Variants in MAP4K4 observed in about 807,000 individuals in gnomAD.
MAP4K4 encodes the protein HPK/GCK-like kinase HGK.
MAP4K4 carries 38 observed loss-of-function variants against 189.6 expected under a neutral mutation model. That is an observed-to-expected ratio of 0.20 (90% confidence interval 0.15 to 0.26). MAP4K4 has a LOEUF of 0.26. Ranked by LOEUF, MAP4K4 falls within the 10% of genes least tolerant of loss-of-function variation. The pLI is 1.00. For synonymous variants in MAP4K4, 610 were observed against 624.3 expected (o/e 0.98, Z 0.34); for missense variants, 1,054 against 1,726.9 (o/e 0.61, Z 6.91).
At chr2:101,714,705 C>T (rs546660146) in intron 2 of MAP4K4, among the ~76,000 whole-genome samples, 25 of 152,220 alleles carry the variant, frequency 1.6e-4, no homozygotes, top group Middle Eastern at 3.4e-3. Context: ...CTGATAATTT[C>T]CCTATAAACT....
chr2:101,812,598 A>G (rs568773880), intron 3 of MAP4K4, among the ~76,000 whole-genome samples: 116 of 151,658 alleles, frequency 7.6e-4, no homozygotes, highest in African/African-American at 2.7e-3. Flanking sequence ...TTAAAGTTCT[A>G]TATAAAATGA....
intron 2 of MAP4K4, among the ~76,000 whole-genome samples, chr2:101,757,411 T>G (rs962706825): frequency 6.6e-6 from 1 of 152,184 alleles, no homozygotes; most frequent in Non-Finnish European, 1.5e-5. Flanking sequence ...GTGAATAGAC[T>G]AGATCTACAG....
At chr2:101,775,231 A>G (rs1188314927) in intron 2 of MAP4K4, among the ~76,000 whole-genome samples, 1 of 151,860 alleles carries the variant, frequency 6.6e-6, no homozygotes, top group Non-Finnish European at 1.5e-5. Flanking sequence ...CTATATCCAC[A>G]AAGAACAACA....
chr2:101,848,332 G>T (rs1410733241), intron 12 of MAP4K4, among the ~76,000 whole-genome samples: 1 of 152,178 alleles, frequency 6.6e-6, no homozygotes, highest in East Asian at 1.9e-4. Flanking sequence ...AAGGTTGGTC[G>T]AATCCATGTG....
Position 101,762,632 on chromosome 2 carries a change from T to A in MAP4K4, c.124-28088T>A, listed in dbSNP as rs1207867542. On this transcript the variant is annotated intron_variant, in intron 2 of 32. Coordinates refer to ENST00000324219, the Ensembl canonical transcript of MAP4K4. ...AGGGCATGGCCATCTAAATGGGAGCTCTTTAACAAAAGTCTGGCAGTAAAT... is the reference window on the plus strand; with the variant it reads ...AGGGCATGGCCATCTAAATGGGAGCACTTTAACAAAAGTCTGGCAGTAAAT... 2.0e-5 allele frequency among the ~76,000 whole-genome samples: 3 copies of A among 152,114 alleles called. No homozygotes were observed. In the East Asian group the frequency reaches 5.8e-4, roughly 29 times the overall value.
chr2:101,723,479 A>G (rs535997160), intron 2 of MAP4K4, among the ~76,000 whole-genome samples: 3 of 152,196 alleles, frequency 2.0e-5, no homozygotes, highest in Non-Finnish European at 2.9e-5. Context: ...TTTTTGCCCA[A>G]CCTCTGGAGA....
chr2:101,772,442 G>C (rs2081937343), intron 2 of MAP4K4, among the ~76,000 whole-genome samples: 1 of 152,128 alleles, frequency 6.6e-6, no homozygotes, highest in Non-Finnish European at 1.5e-5. Flanking sequence ...ATTGAAAAGA[G>C]GCATATCTAT....
chr2:101,781,597 A>G (rs566097202), intron 2 of MAP4K4, among the ~76,000 whole-genome samples: 1 of 152,112 alleles, frequency 6.6e-6, no homozygotes, highest in African/African-American at 2.4e-5. Flanking sequence ...TTTGGACATA[A>G]CTAACCCACT....
At chr2:101,809,430 C>T (rs933230220) in intron 3 of MAP4K4, among the ~76,000 whole-genome samples, 7 of 151,650 alleles carry the variant, frequency 4.6e-5, no homozygotes, top group Admixed American at 1.3e-4. Context: ...GTGGTTTAAT[C>T]GATATATTTT....
At chr2:101,708,855 C>G (rs2043855290) in intron 2 of MAP4K4, among the ~76,000 whole-genome samples, 1 of 152,176 alleles carries the variant, frequency 6.6e-6, no homozygotes, top group South Asian at 2.1e-4. Context: ...TAAATGGAAT[C>G]CTACAACGTA....
Position 101,835,885 on chromosome 2 carries a change from G to C in MAP4K4, c.695-15G>C. 6.3e-7 allele frequency: 1 copy of C among 1,584,966 alleles called. No individual in the cohort carries two copies. Among genetic ancestry groups the C allele is most frequent in the Non-Finnish European group, 8.7e-7 (1 of 1,153,904 alleles). ...AAATAAGTGCCATACTGACACGACC[G>C]TCTCCTCTCCCCAGCTCTCTGTGAC... On this transcript the variant is annotated splice_polypyrimidine_tract_variant and intron_variant, in intron 8 of 32. Transcript: ENST00000324219.
At chr2:101,892,601 T>G in exon 33 of MAP4K4, 1 of 285,496 alleles carries the variant, frequency 3.5e-6, no homozygotes, top group Non-Finnish European at 6.9e-6. Flanking sequence ...TTCCCTTTTC[T>G]AAAAATGCAA....
chr2:101,891,239 T>A (rs1446318392), exon 33 of MAP4K4: 1 of 1,613,434 alleles, frequency 6.2e-7, no homozygotes, highest in Non-Finnish European at 8.5e-7. Context: ...ACTTCTCTTC[T>A]GAGCTGGTAG....
chr2:101,814,806 G>A (rs1018844824), intron 3 of MAP4K4, among the ~76,000 whole-genome samples: 2 of 152,276 alleles, frequency 1.3e-5, no homozygotes, highest in East Asian at 3.9e-4. Context: ...TGAAACATAT[G>A]AAAATAATAC....
intron 2 of MAP4K4, among the ~76,000 whole-genome samples, chr2:101,785,022 C>G (rs1429360954): frequency 6.6e-6 from 1 of 152,130 alleles, no homozygotes; most frequent in Non-Finnish European, 1.5e-5. Context: ...GTTCCTGTGT[C>G]CTGTTCTTAC....
chr2:101,890,273 C>T (rs1262226985), intron 32 of MAP4K4, among the ~76,000 whole-genome samples: 1 of 152,126 alleles, frequency 6.6e-6, no homozygotes. Flanking sequence ...AAGGTGTTAA[C>T]AGTAGAAGTG....
chr2:101,775,586 A>C lies in MAP4K4; in HGVS notation c.124-15134A>C, dbSNP rs1354640533. Reference sequence around the variant, plus strand: ...CATTTACTGAGGGCCTGCTGTGTGCAGGCCCTGGGCTAGTGCTGGGGGTGA... The same window carrying C: ...CATTTACTGAGGGCCTGCTGTGTGCCGGCCCTGGGCTAGTGCTGGGGGTGA... On this transcript the variant is annotated intron_variant, in intron 2 of 32. Coordinates refer to ENST00000324219, the Ensembl canonical transcript of MAP4K4. Among the ~76,000 whole-genome samples, 3 of 152,154 alleles carry C rather than the reference A, an allele frequency of 2.0e-5. No individual in the cohort carries two copies. In the East Asian group the frequency reaches 5.8e-4, roughly 29 times the overall value.
At chr2:101,780,815 C>G (rs1025981606) in intron 2 of MAP4K4, among the ~76,000 whole-genome samples, 1 of 152,158 alleles carries the variant, frequency 6.6e-6, no homozygotes, top group Non-Finnish European at 1.5e-5. Flanking sequence ...TTGACAGAGT[C>G]ATATGATTGA....
chr2:101,781,324 A>G (rs572415236), intron 2 of MAP4K4, among the ~76,000 whole-genome samples: 6 of 151,858 alleles, frequency 4.0e-5, no homozygotes, highest in Non-Finnish European at 8.8e-5. Flanking sequence ...CGTTTTCCCC[A>G]CCTGACCCAC....
Sources: allele counts gnomAD v4.1 joint callset (sites outside exome capture counted in the v4.1 genomes callset), GRCh38; gene constraint gnomAD v4.1.1; transcripts MANE v1.5; gene names NCBI Gene and HGNC (gene_info 2026-07-23, HGNC 2026-07-21).